DYNLRB1: variants seen among roughly 807,000 people sequenced by gnomAD.
DYNLRB1 encodes the protein ROBL/LC7-like 1.
In DYNLRB1, 6 loss-of-function variants were observed where a neutral mutation model predicts 13.5. The ratio of observed to expected loss-of-function variants is 0.44; its 90% CI spans 0.24 to 0.88. DYNLRB1 has a LOEUF of 0.88. Ranked by LOEUF, DYNLRB1 falls within the 40% of genes least tolerant of loss-of-function variation. The probability of loss-of-function intolerance (pLI) is 0.21; values close to 1 mark genes in which losing one functional copy is unlikely to be tolerated. For synonymous variants in DYNLRB1, 43 were observed against 45.0 expected (o/e 0.96, Z 0.18); for missense variants, 93 against 127.2 (o/e 0.73, Z 1.29).
intron 3 of DYNLRB1, among the ~76,000 whole-genome samples, chr20:34,536,760 A>AG (rs1981177831): frequency 6.6e-6 from 1 of 151,612 alleles, no homozygotes; most frequent in Non-Finnish European, 1.5e-5. Flanking sequence ...AAAAAAAAAA[A>AG]AAAAAGTTGG....
rs775109875 is a variant in DYNLRB1 at position 34,516,473 on chromosome 20, C to T, written c.3+12C>T. 18 of 1,612,374 alleles carry T rather than the reference C, an allele frequency of 1.1e-5. No individual in the cohort carries two copies. Among genetic ancestry groups the T allele is most frequent in the African/African-American group, 9.4e-5 (7 of 74,850 alleles). ...ATCGGTCGGAAATGGTGAGCGTGCGCCGGGGTCTTGTGGCTGGCGGCCGCC... is the reference window on the plus strand; with the variant it reads ...ATCGGTCGGAAATGGTGAGCGTGCGTCGGGGTCTTGTGGCTGGCGGCCGCC... On this transcript the variant is annotated intron_variant, in intron 1 of 3. Coordinates refer to ENST00000357156, the MANE Select transcript of DYNLRB1 (RefSeq NM_014183.4).
intron 1 of DYNLRB1, among the ~76,000 whole-genome samples, chr20:34,521,853 C>T (rs779684552): frequency 4.6e-5 from 7 of 152,160 alleles, no homozygotes; most frequent in Non-Finnish European, 8.8e-5. Context: ...CAAGACCAGC[C>T]TGGGCAACAT....
At position 34,540,718 on chromosome 20, in the gene DYNLRB1, C is replaced by T. The variant is rs571768219; in HGVS notation, c.*94C>T. 7 of 1,333,682 alleles carry T rather than the reference C, an allele frequency of 5.2e-6. No individual in the cohort carries two copies. In the South Asian group the frequency reaches 7.4e-5, roughly 14 times the overall value. 82.6% of individuals were successfully genotyped at this position (1,333,682 alleles called of 1,614,324 possible). A position where few individuals can be genotyped will look rare whatever the true frequency, so the allele number is the denominator to read the frequency against. ...TCAGTGGACTAGCACATGGCAGTCGCTTGGAACCCACTCACACCAATCCAG... is the reference window on the plus strand; with the variant it reads ...TCAGTGGACTAGCACATGGCAGTCGTTTGGAACCCACTCACACCAATCCAG... On this transcript the variant is annotated 3_prime_UTR_variant, in exon 4 of 4. Transcript: ENST00000357156.
intron 1 of DYNLRB1, among the ~76,000 whole-genome samples, chr20:34,523,045 C>A (rs1419474089): frequency 6.6e-6 from 1 of 152,108 alleles, no homozygotes; most frequent in African/African-American, 2.4e-5. Flanking sequence ...AGGAGATGAA[C>A]GTGACCTAAA....
rs59104612 is a variant in DYNLRB1 at position 34,528,311 on chromosome 20, CAAAAAAAAAAAA to C, written c.79+1990_79+2001del. 2.5e-3 allele frequency among the ~76,000 whole-genome samples: 13 copies of C among 5,206 alleles called. No individual in the cohort carries two copies. In the East Asian group the frequency reaches 0.04, roughly 16 times the overall value. The allele number at this position is 5,206 out of a possible 152,430, so 3.4% of individuals were successfully genotyped here. ...TGGGCGACAGAGCGAGACTCCGTCT[CAAAAAAAAAAAA>C]AAAAAAAAAAAAAAAAAAAAACTAC... is the stretch of plus-strand genomic sequence containing the variant. On this transcript the variant is annotated intron_variant, in intron 2 of 3. Coordinates refer to ENST00000357156, the MANE Select transcript of DYNLRB1 (RefSeq NM_014183.4).
intron 1 of DYNLRB1, 100 bp downstream of exon 1, chr20:34,516,561 G>A (rs949466092): frequency 1.3e-6 from 2 of 1,570,666 alleles, no homozygotes; most frequent in Admixed American, 1.8e-5. Context: ...TCCGGACAGG[G>A]AATCGGTGGT....
chr20:34,526,009 G>A (rs938558030), intron 1 of DYNLRB1, among the ~76,000 whole-genome samples: 4 of 152,220 alleles, frequency 2.6e-5, no homozygotes, highest in Admixed American at 2.0e-4. Context: ...AACAGCTGAG[G>A]AGGGTGGGAT....
chr20:34,535,039 T>C (rs1368572945), intron 3 of DYNLRB1: 9 of 1,342,478 alleles, frequency 6.7e-6, no homozygotes, highest in East Asian at 3.2e-5. Flanking sequence ...GTGAGCATCA[T>C]GTGTGTCTCC....
intron 3 of DYNLRB1, among the ~76,000 whole-genome samples, chr20:34,538,747 T>C (rs1371827614): frequency 3.3e-5 from 5 of 152,226 alleles, no homozygotes; most frequent in African/African-American, 4.8e-5. Context: ...CAACAGCCCA[T>C]CTTCGTGGGA....
At chr20:34,536,238 C>G in intron 3 of DYNLRB1, 1 of 985,434 alleles carries the variant, frequency 1.0e-6, no homozygotes, top group Non-Finnish European at 1.2e-6. Flanking sequence ...TTGCTTCCCA[C>G]AAGCATGACC....
upstream of DYNLRB1, chr20:34,516,415 A>C: frequency 1.2e-6 from 2 of 1,610,504 alleles, no homozygotes; most frequent in East Asian, 2.2e-5. Flanking sequence ...AAGGCACAGG[A>C]CTCGCTAAGT....
intron 2 of DYNLRB1, among the ~76,000 whole-genome samples, chr20:34,529,567 A>G (rs1980533662): frequency 6.6e-6 from 1 of 152,008 alleles, no homozygotes; most frequent in South Asian, 2.1e-4. Context: ...TGTCTCTACT[A>G]AAAATACAAA....
chr20:34,515,767 A>G (rs1006039074), upstream of DYNLRB1, among the ~76,000 whole-genome samples: 1 of 151,462 alleles, frequency 6.6e-6, no homozygotes, highest in African/African-American at 2.4e-5. Flanking sequence ...TTGCCTTCAT[A>G]CCCTCCCACC....
intron 2 of DYNLRB1, among the ~76,000 whole-genome samples, chr20:34,532,785 G>A (rs1037984777): frequency 6.6e-6 from 1 of 152,164 alleles, no homozygotes; most frequent in Non-Finnish European, 1.5e-5. Context: ...CGACTCACCT[G>A]CTTCTTTTGC....
In DYNLRB1 at chr20:34,540,802, A is replaced by G. The variant is rs1981527949; in HGVS notation, c.*178A>G. ...ACCAACGGAACCCCTGTGTGCACCA[A>G]CCTTCCCCAGAGCTCCGGAGCGCCC... On this transcript the variant is annotated 3_prime_UTR_variant, in exon 4 of 4. Coordinates refer to ENST00000357156, the MANE Select transcript of DYNLRB1 (RefSeq NM_014183.4). 1 of 587,046 alleles carries G rather than the reference A, an allele frequency of 1.7e-6. No homozygotes were observed. Among genetic ancestry groups the G allele is most frequent in the Non-Finnish European group, 2.9e-6 (1 of 344,240 alleles). The allele number at this position is 587,046 out of a possible 1,614,324, so 36.4% of individuals were successfully genotyped here.
intron 1 of DYNLRB1, among the ~76,000 whole-genome samples, chr20:34,521,320 AT>A (rs768349636): frequency 3.9e-5 from 6 of 152,056 alleles, no homozygotes; most frequent in Non-Finnish European, 8.8e-5. Context: ...TGAATTTTTC[AT>A]TTGTTTGTGA....
At chr20:34,516,361 G>A, upstream of DYNLRB1, 1 of 1,557,796 alleles carries the variant, frequency 6.4e-7, no homozygotes, top group Non-Finnish European at 8.7e-7. Context: ...CTGATAGGCA[G>A]CTAGAGCTGT....
intron 3 of DYNLRB1, chr20:34,535,558 C>A: frequency 1.1e-6 from 1 of 872,984 alleles, no homozygotes; most frequent in Non-Finnish European, 1.4e-6. Flanking sequence ...CGCTCTCACT[C>A]ATGGACTGGG....
In DYNLRB1 at chr20:34,534,962, C is replaced by T. The variant is rs541055403; in HGVS notation, c.247+167C>T. ...TGCCTAGCCAGCCTCCAGCTGGTGTCCCATAGCAGATCCTCCCAGGGACCG... is the reference window on the plus strand; with the variant it reads ...TGCCTAGCCAGCCTCCAGCTGGTGTTCCATAGCAGATCCTCCCAGGGACCG... On this transcript the variant is annotated intron_variant, in intron 3 of 3. Transcript: ENST00000357156. The T allele has an allele frequency of 4.4e-4, 645 of 1,476,936 alleles. 4 individuals carry two copies. The African/African-American group carries it at 8.1e-3, about 19-fold the overall frequency. The allele number at this position is 1,476,936 out of a possible 1,614,324, so 91.5% of individuals were successfully genotyped here. A position where few individuals can be genotyped will look rare whatever the true frequency, so the allele number is the denominator to read the frequency against.
Sources: allele counts gnomAD v4.1 joint callset (sites outside exome capture counted in the v4.1 genomes callset), GRCh38; gene constraint gnomAD v4.1.1; transcripts MANE v1.5; gene names NCBI Gene and HGNC (gene_info 2026-07-23, HGNC 2026-07-21).